BRINP2: variants seen among roughly 807,000 people sequenced by gnomAD.
BRINP2 encodes the protein BMP/retinoic acid inducible neural specific 2.
A neutral mutation model predicts 69.2 loss-of-function variants in BRINP2; 21 were observed. That is an observed-to-expected ratio of 0.30 (90% CI 0.22 to 0.44). The LOEUF is 0.44. Among genes scored for constraint, BRINP2 ranks in the 20% least tolerant of loss-of-function variants. BRINP2 has a pLI of 1.00. For synonymous variants in BRINP2, 380 were observed against 394.1 expected (o/e 0.96, Z 0.42); for missense variants, 877 against 986.0 (o/e 0.89, Z 1.48).
At chr1:177,263,874 A>G (rs867873099) in intron 4 of BRINP2, among the ~76,000 whole-genome samples, 33 of 152,290 alleles carry the variant, frequency 2.2e-4, no homozygotes, top group African/African-American at 7.9e-4. Context: ...ATACACACAC[A>G]TCCTGGTTAA....
intron 1 of BRINP2, among the ~76,000 whole-genome samples, chr1:177,182,165 T>G (rs1011374831): frequency 9.1e-6 from 1 of 109,596 alleles, no homozygotes; most frequent in South Asian, 3.4e-4. Flanking sequence ...CATCCTCCCT[T>G]AGCTCCCTCA....
Position 177,280,879 on chromosome 1 carries a change from T to C in BRINP2, c.1703T>C (p.Leu568Ser). ...AAGCCTGGGCTGGTGCACGTGATGT[T>C]GGCCTTGTCCTTGCAGATCTGTCTC... ...KYKPGLVHVM[L>S]ALSLQICLTK... The change falls in exon 8 of 8, where the codon TTG (leucine) becomes TCG (serine). Residue 568 changes from leucine to serine, a missense_variant. Leu to Ser is a moderately radical substitution (Grantham distance 145). Coordinates refer to ENST00000361539, the MANE Select transcript of BRINP2 (RefSeq NM_021165.4). 1.2e-6 allele frequency: 2 copies of C among 1,614,202 alleles called. No homozygotes were observed. The highest frequency in any genetic ancestry group is 1.7e-6 in the Non-Finnish European group (2 of 1,180,028).
chr1:177,208,494 A>G (rs564507772), intron 1 of BRINP2, among the ~76,000 whole-genome samples: 2 of 152,224 alleles, frequency 1.3e-5, no homozygotes, highest in Non-Finnish European at 2.9e-5. Flanking sequence ...TGACGGCTGT[A>G]ACCCACTAAC....
In BRINP2 at chr1:177,175,929, G is replaced by C. The variant is rs150584764; in HGVS notation, c.-77+4197G>C. Among the ~76,000 whole-genome samples, 303 of 152,302 alleles carry C rather than the reference G, an allele frequency of 2.0e-3. 3 individuals are homozygous for C. Among genetic ancestry groups the C allele is most frequent in the African/African-American group, 6.6e-3 (276 of 41,558 alleles). Reference sequence around the variant, plus strand: ...TCTGGGCCCAAGGGCATGTGGTTAAGGGTTGTGAATTAAAGTCTCTTCTAT... The same window carrying C: ...TCTGGGCCCAAGGGCATGTGGTTAACGGTTGTGAATTAAAGTCTCTTCTAT... On this transcript the variant is annotated intron_variant, in intron 1 of 7. Transcript: ENST00000361539.
At chr1:177,228,907 T>G (rs920398674) in intron 1 of BRINP2, among the ~76,000 whole-genome samples, 2 of 152,212 alleles carry the variant, frequency 1.3e-5, no homozygotes, top group East Asian at 3.9e-4. Flanking sequence ...TCTTGGCATC[T>G]TCCGTCTAAC....
At chr1:177,267,378 A>C (rs1361618779) in intron 4 of BRINP2, among the ~76,000 whole-genome samples, 4 of 152,114 alleles carry the variant, frequency 2.6e-5, no homozygotes, top group African/African-American at 9.7e-5. Context: ...TCTTTTATCT[A>C]TTTATTCCAT....
At chr1:177,207,265 G>GTGGC (rs932786001) in intron 1 of BRINP2, among the ~76,000 whole-genome samples, 1 of 152,170 alleles carries the variant, frequency 6.6e-6, no homozygotes, top group Non-Finnish European at 1.5e-5. Context: ...TAGAGCCTGA[G>GTGGC]TGGCTAACAG....
At chr1:177,177,683 C>T (rs1015103747) in intron 1 of BRINP2, among the ~76,000 whole-genome samples, 4 of 152,034 alleles carry the variant, frequency 2.6e-5, no homozygotes, top group African/African-American at 4.8e-5. Flanking sequence ...ATGTTAACCA[C>T]GTAAAAGGGG....
intron 1 of BRINP2, among the ~76,000 whole-genome samples, chr1:177,214,330 G>A (rs959235021): frequency 6.6e-6 from 1 of 152,108 alleles, no homozygotes; most frequent in African/African-American, 2.4e-5. Flanking sequence ...CTACTCGGGA[G>A]GCCAAGGCAG....
At chr1:177,259,376 G>A (rs6674326) in intron 4 of BRINP2, among the ~76,000 whole-genome samples, 51,416 of 151,968 alleles carry the variant, frequency 0.34, 9,603 homozygotes, top group South Asian at 0.54. Context: ...GAAAGAACCC[G>A]TCTCCATGAT....
intron 1 of BRINP2, among the ~76,000 whole-genome samples, chr1:177,222,947 T>C (rs1403519829): frequency 1.3e-5 from 2 of 152,118 alleles, no homozygotes; most frequent in African/African-American, 4.8e-5. Context: ...TTGAGGAAGG[T>C]TGATCTGCAA....
chr1:177,192,448 G>T (rs554661903), intron 1 of BRINP2, among the ~76,000 whole-genome samples: 1 of 152,304 alleles, frequency 6.6e-6, no homozygotes, highest in Non-Finnish European at 1.5e-5. Context: ...ATAGGTGTGA[G>T]ATTAGGGAAA....
chr1:177,227,270 C>T (rs1437716254), intron 1 of BRINP2, among the ~76,000 whole-genome samples: 2 of 152,224 alleles, frequency 1.3e-5, no homozygotes, highest in Non-Finnish European at 2.9e-5. Flanking sequence ...GCTGTGTTGG[C>T]TGCCTTGGCC....
At chr1:177,209,687 C>G (rs766425439) in intron 1 of BRINP2, among the ~76,000 whole-genome samples, 2 of 151,998 alleles carry the variant, frequency 1.3e-5, no homozygotes, top group Non-Finnish European at 2.9e-5. Context: ...ACCAGCTGTT[C>G]AAATTGGTGG....
chr1:177,227,951 GC>G (rs759640184), intron 1 of BRINP2, among the ~76,000 whole-genome samples: 2 of 151,944 alleles, frequency 1.3e-5, no homozygotes, highest in Non-Finnish European at 2.9e-5. Flanking sequence ...TCTTCTTTCA[GC>G]CCCCACCTCT....
At chr1:177,257,649 A>T (rs1054804750) in intron 4 of BRINP2, among the ~76,000 whole-genome samples, 1 of 152,300 alleles carries the variant, frequency 6.6e-6, no homozygotes, top group Non-Finnish European at 1.5e-5. Flanking sequence ...CAGAGGTTGC[A>T]CTCTGGTGGA....
chr1:177,221,589 A>G (rs911513088), intron 1 of BRINP2, among the ~76,000 whole-genome samples: 1 of 152,206 alleles, frequency 6.6e-6, no homozygotes, highest in African/African-American at 2.4e-5. Context: ...TTTTTAAAAA[A>G]TATTCAAAAT....
Position 177,280,431 on chromosome 1 carries a change from A to G in BRINP2, c.1255A>G (p.Asn419Asp). The G allele has an allele frequency of 6.2e-7, 1 of 1,609,980 alleles. No homozygotes were observed. The highest frequency in any genetic ancestry group is 1.3e-5 in the African/African-American group (1 of 74,980). The change falls in exon 8 of 8, where the codon AAC (asparagine) becomes GAC (aspartate). Residue 419 changes from asparagine to aspartate, a missense_variant. Physicochemically the swap from Asn to Asp is conservative, Grantham distance 23 (BLOSUM62 1). Coordinates refer to ENST00000361539, the MANE Select transcript of BRINP2 (RefSeq NM_021165.4). ...PKERSLSYWW[N>D]RIQSLLYCGE... ...CCCAAGGTCCTTGTCCTACTGGTGG[A>G]ACCGAATCCAGTCCCTCCTCTACTG...
At chr1:177,264,572 C>A (rs1025866013) in intron 4 of BRINP2, among the ~76,000 whole-genome samples, 25 of 152,112 alleles carry the variant, frequency 1.6e-4, no homozygotes, top group African/African-American at 5.6e-4. Context: ...TCGTCTCAGC[C>A]CAAAATCTCC....
Sources: allele counts gnomAD v4.1 joint callset (sites outside exome capture counted in the v4.1 genomes callset), GRCh38; gene constraint gnomAD v4.1.1; transcripts MANE v1.5; gene names NCBI Gene and HGNC (gene_info 2026-07-23, HGNC 2026-07-21).